The following ANTXR2 variants were observed in gnomAD, a reference collection of about 807,000 sequenced individuals.
ANTXR2 encodes the protein anthrax toxin receptor 2.
In ANTXR2, 44 loss-of-function variants were observed where a neutral mutation model predicts 73.7. That is an observed-to-expected ratio of 0.60 (90% CI 0.47 to 0.77). The LOEUF (loss-of-function observed/expected upper bound fraction) is 0.77, where lower values mean the gene tolerates loss of function less well. Ranked by LOEUF, ANTXR2 falls within the 30% of genes least tolerant of loss-of-function variation. The pLI is 0.00. For missense variants in ANTXR2, 604 were observed against 592.5 expected (o/e 1.02, Z -0.20); for synonymous variants, 217 against 205.9 (o/e 1.05, Z -0.46).
chr4:80,072,878 C>G lies in ANTXR2; in HGVS notation c.-318G>C. 1 of 395,490 alleles carries G rather than the reference C, an allele frequency of 2.5e-6. No individual in the cohort carries two copies. Among genetic ancestry groups the G allele is most frequent in the Non-Finnish European group, 3.9e-6 (1 of 254,346 alleles). 24.5% of individuals were successfully genotyped at this position (395,490 alleles called of 1,614,324 possible). A position where few individuals can be genotyped will look rare whatever the true frequency, so the allele number is the denominator to read the frequency against. On this transcript the variant is annotated 5_prime_UTR_variant, in exon 1 of 17. Transcript: ENST00000403729. ...ACAATGCGGGCCCACGGCGACAGCT[C>G]GCGAAAGGAGTTCCTCTCCGGCCTG...
At chr4:79,945,360 C>T (rs565101709) in intron 16 of ANTXR2, among the ~76,000 whole-genome samples, 13 of 152,200 alleles carry the variant, frequency 8.5e-5, no homozygotes, top group African/African-American at 3.1e-4. Flanking sequence ...ATTTTCATTG[C>T]AACCATCATT....
At chr4:80,002,119 A>G (rs1731074631) in intron 12 of ANTXR2, among the ~76,000 whole-genome samples, 1 of 152,184 alleles carries the variant, frequency 6.6e-6, no homozygotes, top group South Asian at 2.1e-4. Flanking sequence ...CTAAGCCAAA[A>G]GAACAAAGCT....
At chr4:79,911,712 A>T (rs917242837) in intron 16 of ANTXR2, among the ~76,000 whole-genome samples, 6 of 152,112 alleles carry the variant, frequency 3.9e-5, no homozygotes, top group Non-Finnish European at 7.4e-5. Context: ...TTAGAGAATA[A>T]TATAACATGT....
At position 79,934,548 on chromosome 4, in the gene ANTXR2, A is replaced by C. The variant is rs199544542; in HGVS notation, c.1429-27081T>G. Among the ~76,000 whole-genome samples the C allele has an allele frequency of 5.9e-4, 84 of 142,680 alleles. No homozygotes were observed. In the East Asian group the frequency reaches 6.2e-3, roughly 11 times the overall value. 93.6% of individuals were successfully genotyped at this position (142,680 alleles called of 152,430 possible). ...TCTAAAACAACAACAACAACAAAAA[A>C]AAAAAAACACCAAACCTATCATTTA... is the stretch of plus-strand genomic sequence containing the variant. On this transcript the variant is annotated intron_variant, in intron 16 of 16. Transcript: ENST00000403729.
rs1284414772 is a variant in ANTXR2 at position 79,907,004 on chromosome 4, A to T, written c.*425T>A. The T allele has an allele frequency of 4.7e-6, 1 of 214,074 alleles. No individual in the cohort carries two copies. The highest frequency in any genetic ancestry group is 2.4e-5 in the African/African-American group (1 of 41,992). 13.3% of individuals were successfully genotyped at this position (214,074 alleles called of 1,614,324 possible). On this transcript the variant is annotated 3_prime_UTR_variant, in exon 17 of 17. Transcript: ENST00000403729. ...CCTATGGATAAAGATCTTGCCACAT[A>T]AAAACACAAGTGCCATGTTTCCATG...
At chr4:80,066,198 T>C (rs1162795572) in intron 3 of ANTXR2, among the ~76,000 whole-genome samples, 2 of 152,230 alleles carry the variant, frequency 1.3e-5, no homozygotes, top group Non-Finnish European at 2.9e-5. Context: ...TGTCCTATGC[T>C]ATACAAAGGA....
intron 16 of ANTXR2, among the ~76,000 whole-genome samples, chr4:79,966,647 AT>A (rs1386262036): frequency 6.6e-6 from 1 of 152,264 alleles, no homozygotes; most frequent in African/African-American, 2.4e-5. Context: ...TAAAATAGAA[AT>A]AAAATTTGTA....
At chr4:79,926,955 G>GTGTATATATGTGTATATATACACA (rs1727823297) in intron 16 of ANTXR2, among the ~76,000 whole-genome samples, 1 of 80,852 alleles carries the variant, frequency 1.2e-5, no homozygotes. Context: ...GTATATATAC[G>GTGTATATATGTGTATATATACACA]TGTGCATATA....
intron 16 of ANTXR2, among the ~76,000 whole-genome samples, chr4:79,929,834 G>C (rs1425301639): frequency 6.6e-6 from 1 of 151,986 alleles, no homozygotes; most frequent in African/African-American, 2.4e-5. Context: ...ATAGTTTTCC[G>C]ACAACAAGAG....
intron 14 of ANTXR2, among the ~76,000 whole-genome samples, chr4:79,980,474 G>T (rs1729838893): frequency 6.6e-6 from 1 of 151,986 alleles, no homozygotes; most frequent in African/African-American, 2.4e-5. Flanking sequence ...AATATATCAG[G>T]CTTTATTATG....
chr4:80,004,141 G>GA (rs965697496), intron 12 of ANTXR2, among the ~76,000 whole-genome samples: 1 of 145,468 alleles, frequency 6.9e-6, no homozygotes, highest in South Asian at 2.2e-4. Flanking sequence ...TATGCTGAAT[G>GA]AAAAAAAGCC....
chr4:80,049,068 T>C (rs1395671463), intron 7 of ANTXR2, among the ~76,000 whole-genome samples: 4 of 151,690 alleles, frequency 2.6e-5, no homozygotes, highest in African/African-American at 4.8e-5. Context: ...GGGTTATTTA[T>C]AAAACATGCT....
chr4:79,952,008 G>T (rs1484482642), intron 16 of ANTXR2, among the ~76,000 whole-genome samples: 1 of 151,850 alleles, frequency 6.6e-6, no homozygotes, highest in Non-Finnish European at 1.5e-5. Context: ...AATATTTTGG[G>T]GTTTCAAAGA....
chr4:80,065,237 TA>T (rs956143251), intron 3 of ANTXR2, among the ~76,000 whole-genome samples: 6 of 152,212 alleles, frequency 3.9e-5, no homozygotes, highest in African/African-American at 1.4e-4. Context: ...AAATAATAAC[TA>T]AAAATACTTT....
At chr4:79,951,782 C>T (rs1728719496) in intron 16 of ANTXR2, among the ~76,000 whole-genome samples, 1 of 152,144 alleles carries the variant, frequency 6.6e-6, no homozygotes, top group Non-Finnish European at 1.5e-5. Flanking sequence ...TCTATAAAAC[C>T]TCACCTTACC....
At chr4:80,022,056 T>C (rs2110072327) in intron 10 of ANTXR2, among the ~76,000 whole-genome samples, 1 of 152,360 alleles carries the variant, frequency 6.6e-6, no homozygotes, top group African/African-American at 2.4e-5. Context: ...TAAAGGTAAC[T>C]TGTCCAAATA....
chr4:80,018,793 G>A (rs1732003239), intron 11 of ANTXR2, 105 bp downstream of exon 11: 1 of 938,896 alleles, frequency 1.1e-6, no homozygotes, highest in African/African-American at 1.8e-5. Context: ...CAATGTTATT[G>A]TTTGCATCTC....
At chr4:80,047,691 G>T (rs1733582098) in intron 7 of ANTXR2, among the ~76,000 whole-genome samples, 1 of 151,608 alleles carries the variant, frequency 6.6e-6, no homozygotes, top group African/African-American at 2.4e-5. Flanking sequence ...CAATATACTT[G>T]CTGAGGACCA....
At chr4:79,983,019 T>C (rs1729956805) in intron 14 of ANTXR2, among the ~76,000 whole-genome samples, 1 of 152,082 alleles carries the variant, frequency 6.6e-6, no homozygotes. Flanking sequence ...AGGTTATCAA[T>C]TTTTGCTGGC....
Sources: allele counts gnomAD v4.1 joint callset (sites outside exome capture counted in the v4.1 genomes callset), GRCh38; gene constraint gnomAD v4.1.1; transcripts MANE v1.5; gene names NCBI Gene and HGNC (gene_info 2026-07-23, HGNC 2026-07-21).